DAPK1: variants seen among roughly 807,000 people sequenced by gnomAD.
DAPK1 encodes the protein death-associated protein kinase 1.
DAPK1 carries 56 observed loss-of-function variants against 144.9 expected under a neutral mutation model. That is an observed-to-expected ratio of 0.39 (90% CI 0.31 to 0.48). DAPK1 has a LOEUF of 0.48. DAPK1 is among the 20% of genes least tolerant of loss of function. The pLI is 0.95. For synonymous variants in DAPK1, 690 were observed against 749.0 expected (o/e 0.92, Z 1.29); for missense variants, 1,454 against 1,875.4 (o/e 0.78, Z 4.15).
chr9:87,560,650 G>T (rs1392045963), intron 2 of DAPK1, among the ~76,000 whole-genome samples: 1 of 148,178 alleles, frequency 6.7e-6, no homozygotes. Context: ...CCACGTTGAG[G>T]CATGTGTCAG....
intron 2 of DAPK1, among the ~76,000 whole-genome samples, chr9:87,519,196 AG>A (rs1825198758): frequency 6.6e-6 from 1 of 152,190 alleles, no homozygotes; most frequent in South Asian, 2.1e-4. Flanking sequence ...GGGTTCAGCA[AG>A]GGGCCCTGGA....
At chr9:87,640,634 C>A (rs905212457) in intron 8 of DAPK1, among the ~76,000 whole-genome samples, 168 bp from the exon 9 acceptor site, 1 of 152,262 alleles carries the variant, frequency 6.6e-6, no homozygotes, top group African/African-American at 2.4e-5. Flanking sequence ...CAGTCAGTCC[C>A]TGCAGGCACA....
At chr9:87,662,590 G>A (rs1276067714) in intron 18 of DAPK1, among the ~76,000 whole-genome samples, 2 of 19,728 alleles carry the variant, frequency 1.0e-4, no homozygotes, top group Non-Finnish European at 1.9e-4. Flanking sequence ...TTTTTTGGTA[G>A]CTATTGTAAA....
chr9:87,683,315 T>A (rs760302378), intron 20 of DAPK1, among the ~76,000 whole-genome samples: 12 of 152,114 alleles, frequency 7.9e-5, no homozygotes, highest in Non-Finnish European at 7.4e-5. Context: ...ACTCCTGACC[T>A]TGTGATCCAC....
chr9:87,620,648 G>C lies in DAPK1; in HGVS notation c.284+15473G>C, dbSNP rs531898864. On this transcript the variant is annotated intron_variant, in intron 3 of 25. Coordinates refer to ENST00000408954, the MANE Select transcript of DAPK1 (RefSeq NM_004938.4). ...ACAGGGAGGAGGAGGAGGAGGACTG[G>C]GAGTAGGACAGGTAGGAGGAAGACC... is the stretch of plus-strand genomic sequence containing the variant. 5.6e-4 allele frequency among the ~76,000 whole-genome samples: 85 copies of C among 151,900 alleles called. No homozygotes were observed. In the South Asian group the frequency reaches 0.017, roughly 29 times the overall value.
intron 1 of DAPK1, chr9:87,498,539 CG>C: frequency 8.1e-6 from 2 of 246,716 alleles, no homozygotes; most frequent in Non-Finnish European, 1.5e-5. Context: ...AGAGGTGGCG[CG>C]GGGGTGCCAC....
intron 20 of DAPK1, among the ~76,000 whole-genome samples, chr9:87,684,753 C>T (rs1824779569): frequency 6.6e-6 from 1 of 152,160 alleles, no homozygotes; most frequent in South Asian, 2.1e-4. Flanking sequence ...AAGTGGGTCT[C>T]CTGGGAGCCG....
At chr9:87,701,972 T>G in intron 24 of DAPK1, 1 of 437,940 alleles carries the variant, frequency 2.3e-6, no homozygotes, top group Non-Finnish European at 4.8e-6. Flanking sequence ...CTAACAGTGG[T>G]CTCTGAGGGC....
At chr9:87,698,968 A>T (rs1825368842) in intron 23 of DAPK1, among the ~76,000 whole-genome samples, 174 bp downstream of exon 23, 1 of 152,214 alleles carries the variant, frequency 6.6e-6, no homozygotes, top group Non-Finnish European at 1.5e-5. Context: ...ATTGGAAATG[A>T]TCGGCTTTAG....
intron 2 of DAPK1, among the ~76,000 whole-genome samples, chr9:87,535,859 G>A (rs780101575): frequency 2.0e-5 from 3 of 152,170 alleles, no homozygotes; most frequent in Non-Finnish European, 4.4e-5. Flanking sequence ...GATGTAAACC[G>A]GAAGGCCCAA....
chr9:87,535,531 A>G (rs976249928), intron 2 of DAPK1, among the ~76,000 whole-genome samples: 2 of 152,172 alleles, frequency 1.3e-5, no homozygotes, highest in African/African-American at 4.8e-5. Context: ...TTGATATCAA[A>G]TATATAATGT....
intron 2 of DAPK1, among the ~76,000 whole-genome samples, chr9:87,577,364 T>G (rs950595947): frequency 2.0e-5 from 3 of 152,206 alleles, no homozygotes; most frequent in Admixed American, 6.5e-5. Flanking sequence ...GCTACTAGTC[T>G]CTACATCTAA....
At chr9:87,612,073 G>T (rs1468601743) in intron 3 of DAPK1, among the ~76,000 whole-genome samples, 2 of 152,162 alleles carry the variant, frequency 1.3e-5, no homozygotes, top group African/African-American at 4.8e-5. Context: ...GCAAGAGAGG[G>T]CAAGAGCCCA....
At chr9:87,660,627 C>G (rs536488076) in intron 18 of DAPK1, among the ~76,000 whole-genome samples, 1 of 152,118 alleles carries the variant, frequency 6.6e-6, no homozygotes, top group South Asian at 2.1e-4. Context: ...ATCCTCCACG[C>G]GCTTCCCTCC....
intron 2 of DAPK1, among the ~76,000 whole-genome samples, chr9:87,580,011 T>C (rs1827696267): frequency 6.6e-6 from 1 of 152,198 alleles, no homozygotes; most frequent in Non-Finnish European, 1.5e-5. Context: ...CACTGGTATA[T>C]AGAGAATGCT....
intron 2 of DAPK1, among the ~76,000 whole-genome samples, chr9:87,560,013 G>GTT (rs60582281): frequency 7.0e-4 from 103 of 148,126 alleles, no homozygotes; most frequent in Non-Finnish European, 7.9e-4. Context: ...TTCTTTTTTT[G>GTT]TTTTTTTTTG....
chr9:87,688,567 CTT>C (rs1237451157), intron 21 of DAPK1, among the ~76,000 whole-genome samples: 1 of 152,152 alleles, frequency 6.6e-6, no homozygotes, highest in African/African-American at 2.4e-5. Context: ...TAGGTGTTCT[CTT>C]TTCTTCACGC....
At chr9:87,665,662 C>T (rs1831024421) in intron 18 of DAPK1, among the ~76,000 whole-genome samples, 1 of 152,190 alleles carries the variant, frequency 6.6e-6, no homozygotes. Flanking sequence ...GGGCAGGCTC[C>T]TAAAACTGGC....
intron 2 of DAPK1, among the ~76,000 whole-genome samples, chr9:87,573,409 C>A (rs36204195): frequency 2.6e-5 from 4 of 152,198 alleles, no homozygotes; most frequent in Admixed American, 2.0e-4. Flanking sequence ...GTGATACTGG[C>A]TTTCTGTTCA....
Sources: gnomAD v4.1 joint callset for allele counts (sites outside exome capture counted in the v4.1 genomes callset) on GRCh38, gnomAD v4.1.1 for gene constraint, MANE v1.5 for transcripts, NCBI Gene and HGNC (gene_info 2026-07-23, HGNC 2026-07-21) for gene names.